The following GNAQ variants were observed in gnomAD, a reference collection of about 807,000 sequenced individuals.
The protein encoded by GNAQ is G protein subunit alpha q, also known as guanine nucleotide-binding protein G(q) subunit alpha.
Under a neutral mutation model 43.9 loss-of-function variants are expected in GNAQ, and 8 were observed. That is an observed-to-expected ratio of 0.18 (90% CI 0.11 to 0.33). The LOEUF (loss-of-function observed/expected upper bound fraction) is 0.33. GNAQ is among the 10% of genes least tolerant of loss of function. The pLI is 1.00. For synonymous variants in GNAQ, 155 were observed against 170.7 expected (o/e 0.91, Z 0.71); for missense variants, 158 against 450.8 (o/e 0.35, Z 5.88).
intron 2 of GNAQ, among the ~76,000 whole-genome samples, chr9:77,893,828 T>C (rs1199642672): frequency 1.3e-5 from 2 of 152,178 alleles, no homozygotes; most frequent in African/African-American, 4.8e-5. Flanking sequence ...AATCAGGTCC[T>C]TGCAACTAAG....
At chr9:77,998,489 TG>T (rs1337943252) in intron 1 of GNAQ, among the ~76,000 whole-genome samples, 2 of 152,222 alleles carry the variant, frequency 1.3e-5, no homozygotes, top group Admixed American at 1.3e-4. Flanking sequence ...CTGTTCTCCA[TG>T]TTCCATTTTA....
At chr9:77,728,772 C>A (rs2118219722) in intron 5 of GNAQ, 105 bp from the exon 6 acceptor site, 1 of 759,652 alleles carries the variant, frequency 1.3e-6, no homozygotes, top group Non-Finnish European at 2.2e-6. Flanking sequence ...TTGTATACGA[C>A]CAGTTTTTGT....
intron 1 of GNAQ, among the ~76,000 whole-genome samples, chr9:77,960,469 T>TG (rs1192633682): frequency 3.9e-5 from 6 of 152,142 alleles, no homozygotes; most frequent in Admixed American, 3.9e-4. Context: ...CCCCTGGCCC[T>TG]GGAGTGATAT....
intron 2 of GNAQ, among the ~76,000 whole-genome samples, chr9:77,884,197 A>G (rs141285465): frequency 3.3e-5 from 5 of 152,302 alleles, no homozygotes; most frequent in African/African-American, 1.2e-4. Context: ...AGGGGAAAAA[A>G]GATTCTCTCT....
chr9:77,732,253 G>T (rs1186861329), intron 5 of GNAQ, among the ~76,000 whole-genome samples: 2 of 152,138 alleles, frequency 1.3e-5, no homozygotes, highest in Non-Finnish European at 2.9e-5. Flanking sequence ...AGGAGGTTTT[G>T]TTTACTCTGA....
intron 5 of GNAQ, among the ~76,000 whole-genome samples, chr9:77,731,412 T>A (rs1587887675): frequency 6.6e-6 from 1 of 152,138 alleles, no homozygotes; most frequent in African/African-American, 2.4e-5. Flanking sequence ...TGGAGGCAGG[T>A]CCTGCTGAAG....
intron 1 of GNAQ, among the ~76,000 whole-genome samples, chr9:77,993,290 G>A (rs905068493): frequency 6.6e-6 from 1 of 152,036 alleles, no homozygotes. Flanking sequence ...AATATATATA[G>A]ACTATATCAG....
intron 5 of GNAQ, among the ~76,000 whole-genome samples, chr9:77,740,208 G>T (rs1319672745): frequency 6.6e-6 from 1 of 152,192 alleles, no homozygotes; most frequent in African/African-American, 2.4e-5. Flanking sequence ...TAAGAATTTG[G>T]TCTGCCTTGT....
intron 5 of GNAQ, among the ~76,000 whole-genome samples, chr9:77,773,139 T>G (rs1040865552): frequency 1.3e-5 from 2 of 152,234 alleles, no homozygotes; most frequent in African/African-American, 4.8e-5. Context: ...TAAAAGAAAT[T>G]TTCTTAAACC....
intron 5 of GNAQ, among the ~76,000 whole-genome samples, chr9:77,768,919 A>C (rs189312331): frequency 3.0e-3 from 452 of 152,318 alleles, no homozygotes; most frequent in Admixed American, 5.2e-3. Flanking sequence ...AATTCTGAAT[A>C]AACTCACTCT....
At chr9:77,837,438 C>T (rs532269873) in intron 2 of GNAQ, among the ~76,000 whole-genome samples, 2 of 152,172 alleles carry the variant, frequency 1.3e-5, no homozygotes, top group Admixed American at 6.5e-5. Flanking sequence ...CCTGTAATCC[C>T]AGCTACTCGG....
chr9:78,018,843 C>T lies in GNAQ; in HGVS notation c.136+12257G>A, dbSNP rs7034795. Among the ~76,000 whole-genome samples, 1,066 of 152,176 alleles carry T rather than the reference C, an allele frequency of 7.0e-3. 18 individuals carry two copies. Among genetic ancestry groups the T allele is most frequent in the African/African-American group, 0.024 (989 of 41,518 alleles). ...CATAAAGAATATTTTTAATAGAAATCATTGTGTCAACCCACAAGTAAGGAC... is the reference window on the plus strand; with the variant it reads ...CATAAAGAATATTTTTAATAGAAATTATTGTGTCAACCCACAAGTAAGGAC... On this transcript the variant is annotated intron_variant, in intron 1 of 6. Coordinates refer to ENST00000286548, the MANE Select transcript of GNAQ (RefSeq NM_002072.5).
At chr9:77,837,370 G>A (rs1444395504) in intron 2 of GNAQ, among the ~76,000 whole-genome samples, 2 of 151,962 alleles carry the variant, frequency 1.3e-5, no homozygotes, top group African/African-American at 4.8e-5. Context: ...TGGCCAACAT[G>A]GTGAGACCCC....
intron 1 of GNAQ, among the ~76,000 whole-genome samples, chr9:77,923,014 A>AT (rs11353032): frequency 5.4e-4 from 79 of 146,140 alleles, no homozygotes; most frequent in South Asian, 1.1e-3. Flanking sequence ...TGCCCAGCTA[A>AT]TTTTTTTTTT....
chr9:77,819,002 CAAAAAAAAAAAAAA>C (rs10547681), intron 2 of GNAQ, among the ~76,000 whole-genome samples: 5 of 45,286 alleles, frequency 1.1e-4, no homozygotes, highest in South Asian at 2.8e-3. Flanking sequence ...ACCATCTCTC[CAAAAAAAAAAAAAA>C]AAAAAAAAAA....
intron 2 of GNAQ, among the ~76,000 whole-genome samples, chr9:77,916,626 C>G (rs561917720): frequency 6.6e-6 from 1 of 152,142 alleles, no homozygotes; most frequent in Admixed American, 6.5e-5. Flanking sequence ...CTCATAACCC[C>G]TCCATGCTAG....
At chr9:77,846,559 G>C (rs1363453282) in intron 2 of GNAQ, among the ~76,000 whole-genome samples, 6 of 152,182 alleles carry the variant, frequency 3.9e-5, no homozygotes, top group Admixed American at 1.3e-4. Context: ...ACAACACAGA[G>C]AAGGAACCAG....
chr9:77,839,337 A>G lies in GNAQ; in HGVS notation c.322-23567T>C, dbSNP rs1039571793. Among the ~76,000 whole-genome samples the G allele has an allele frequency of 5.3e-5, 8 of 152,214 alleles. No individual in the cohort carries two copies. The South Asian group carries it at 1.0e-3, about 20-fold the overall frequency. On this transcript the variant is annotated intron_variant, in intron 2 of 6. Coordinates refer to ENST00000286548, the MANE Select transcript of GNAQ (RefSeq NM_002072.5). ...CTTCATTAGCTTGTTTGAGACTAAG[A>G]TAATTAAAGTAGGGTTGATATGACA... is the stretch of plus-strand genomic sequence containing the variant.
At chr9:77,859,533 G>A (rs1037687771) in intron 2 of GNAQ, among the ~76,000 whole-genome samples, 2 of 152,130 alleles carry the variant, frequency 1.3e-5, no homozygotes, top group Admixed American at 6.5e-5. Context: ...CTCCATTAGC[G>A]TAAATTGGAA....
Sources: allele counts gnomAD v4.1 joint callset (sites outside exome capture counted in the v4.1 genomes callset), GRCh38; gene constraint gnomAD v4.1.1; transcripts MANE v1.5; gene names NCBI Gene and HGNC (gene_info 2026-07-23, HGNC 2026-07-21).